The following KCNQ3 variants were observed in gnomAD, a reference collection of about 807,000 sequenced individuals.
KCNQ3 encodes potassium voltage-gated channel subfamily Q member 3, also known as potassium voltage-gated channel subfamily KQT member 3.
A neutral mutation model predicts 92.5 loss-of-function variants in KCNQ3; 30 were observed. That is an observed-to-expected ratio of 0.32 (90% CI 0.24 to 0.44). KCNQ3 has a LOEUF of 0.44. Among genes scored for constraint, KCNQ3 ranks in the 20% least tolerant of loss-of-function variants. KCNQ3 has a pLI of 1.00. For synonymous variants in KCNQ3, 450 were observed against 468.8 expected, an observed-to-expected ratio of 0.96 and a Z score of 0.52; for missense variants, 913 against 1,140.3, an observed-to-expected ratio of 0.80 and a Z score of 2.87.
chr8:132,171,209 T>C (rs1826335402), intron 7 of KCNQ3, among the ~76,000 whole-genome samples: 1 of 151,928 alleles, frequency 6.6e-6, no homozygotes, highest in South Asian at 2.1e-4. Flanking sequence ...GATTCTCTGA[T>C]GGTTTGGGGT....
chr8:132,340,600 AG>A, intron 1 of KCNQ3, among the ~76,000 whole-genome samples: 1 of 151,960 alleles, frequency 6.6e-6, no homozygotes, highest in East Asian at 1.9e-4. Flanking sequence ...ATCACACACC[AG>A]GGCCTATTGG....
At chr8:132,412,679 T>C (rs967499098) in intron 1 of KCNQ3, among the ~76,000 whole-genome samples, 2 of 152,088 alleles carry the variant, frequency 1.3e-5, no homozygotes, top group African/African-American at 2.4e-5. Flanking sequence ...AGAGGCATGA[T>C]GATGGCCCTG....
chr8:132,333,659 G>A (rs1586934892), intron 1 of KCNQ3, among the ~76,000 whole-genome samples: 1 of 152,082 alleles, frequency 6.6e-6, no homozygotes, highest in South Asian at 2.1e-4. Context: ...TCTCTTGTGT[G>A]CCTGGATTTT....
intron 1 of KCNQ3, among the ~76,000 whole-genome samples, chr8:132,395,493 C>G (rs1429297005): frequency 6.6e-6 from 1 of 152,196 alleles, no homozygotes; most frequent in Non-Finnish European, 1.5e-5. Flanking sequence ...GGTACCCTAC[C>G]TGACTTAATA....
rs2130910609 is a variant in KCNQ3, at chr8:132,121,243, A to C, written c.*8019T>G. 1 of 152,334 alleles carries C rather than the reference A, an allele frequency of 6.6e-6. No homozygotes were observed. Among genetic ancestry groups the C allele is most frequent in the South Asian group, 2.1e-4 (1 of 4,822 alleles). 9.4% of individuals were successfully genotyped at this position (152,334 alleles called of 1,614,324 possible). ...GGGAACCTCCATTTGTTCTTCAAAG[A>C]CTGGTGTTTTCCATCACTGCTACAT... On this transcript the variant is annotated 3_prime_UTR_variant, in exon 15 of 15. Coordinates refer to ENST00000388996, the MANE Select transcript of KCNQ3 (RefSeq NM_004519.4).
chr8:132,410,935 C>T (rs753387595), intron 1 of KCNQ3, among the ~76,000 whole-genome samples: 7 of 152,218 alleles, frequency 4.6e-5, no homozygotes, highest in African/African-American at 1.7e-4. Flanking sequence ...CCTCACCGTA[C>T]ACACAAAGCA....
chr8:132,219,873 A>G (rs1030042297), intron 1 of KCNQ3, among the ~76,000 whole-genome samples: 1 of 152,194 alleles, frequency 6.6e-6, no homozygotes, highest in Non-Finnish European at 1.5e-5. Context: ...AATCCATCTG[A>G]TCAATATACT....
intron 1 of KCNQ3, among the ~76,000 whole-genome samples, chr8:132,379,051 C>T (rs73345971): frequency 0.073 from 11,153 of 152,254 alleles, 468 homozygotes; most frequent in South Asian, 0.16. Flanking sequence ...GGATGATAAA[C>T]ACCCCTCATA....
At position 132,292,862 on chromosome 8, in the gene KCNQ3, G is replaced by A. The variant is rs905636426; in HGVS notation, c.387-106681C>T. On this transcript the variant is annotated intron_variant, in intron 1 of 14. Transcript: ENST00000388996. ...TTGTGGATCAGAAGACCCTAATCCA[G>A]AGAGATTCCTGCCCCATACCTAGAG... Among the ~76,000 whole-genome samples, 13 of 152,180 alleles carry A rather than the reference G, an allele frequency of 8.5e-5. 1 individual carries two copies. The highest frequency in any genetic ancestry group is 6.5e-4 in the Admixed American group (10 of 15,276).
chr8:132,445,776 C>T (rs899439221), intron 1 of KCNQ3, among the ~76,000 whole-genome samples: 8 of 151,134 alleles, frequency 5.3e-5, no homozygotes, highest in East Asian at 2.0e-4. Context: ...CTCACAACTA[C>T]CCCATTTCAC....
chr8:132,149,024 T>G (rs1164411611), intron 9 of KCNQ3, among the ~76,000 whole-genome samples: 3 of 152,262 alleles, frequency 2.0e-5, no homozygotes, highest in Non-Finnish European at 4.4e-5. Context: ...GACCATACAC[T>G]TTATTTCTCT....
intron 1 of KCNQ3, among the ~76,000 whole-genome samples, chr8:132,473,023 A>T (rs933492759): frequency 3.9e-5 from 6 of 152,236 alleles, no homozygotes; most frequent in Non-Finnish European, 8.8e-5. Flanking sequence ...GAAACAGCAG[A>T]GTTAAATGCA....
chr8:132,272,713 G>A (rs1030628186), intron 1 of KCNQ3, among the ~76,000 whole-genome samples: 10 of 152,106 alleles, frequency 6.6e-5, no homozygotes, highest in Non-Finnish European at 2.9e-5. Flanking sequence ...CAAGGGAACA[G>A]CACAAAAACA....
At chr8:132,310,947 C>G (rs79830223) in intron 1 of KCNQ3, among the ~76,000 whole-genome samples, 17 of 140,660 alleles carry the variant, frequency 1.2e-4, no homozygotes, top group African/African-American at 4.2e-4. Context: ...TTTTTTTTTT[C>G]TTTTTTTTTT....
chr8:132,229,515 C>T (rs1043905036), intron 1 of KCNQ3, among the ~76,000 whole-genome samples: 8 of 151,840 alleles, frequency 5.3e-5, no homozygotes, highest in East Asian at 1.9e-4. Context: ...TGAGCAGGTT[C>T]GGAAGAAAGT....
chr8:132,167,346 A>T (rs554251880), intron 8 of KCNQ3, among the ~76,000 whole-genome samples: 8 of 152,328 alleles, frequency 5.3e-5, no homozygotes, highest in African/African-American at 1.7e-4. Flanking sequence ...CTAGAATTAG[A>T]TAGTGGTGAT....
Position 132,122,859 on chromosome 8 carries a change from T to A in KCNQ3, c.*6403A>T, listed in dbSNP as rs191503917. ...ATGTTCATTTGAGCCAACAGAGGCC[T>A]GTTTACTTCCTAAAATAATCTCTTA... On this transcript the variant is annotated 3_prime_UTR_variant, in exon 15 of 15. Coordinates refer to ENST00000388996, the MANE Select transcript of KCNQ3 (RefSeq NM_004519.4). 1 of 152,372 alleles carries A rather than the reference T, an allele frequency of 6.6e-6. No homozygotes were observed. Among genetic ancestry groups the A allele is most frequent in the African/African-American group, 2.4e-5 (1 of 41,600 alleles). The allele number at this position is 152,372 out of a possible 1,614,324, so 9.4% of individuals were successfully genotyped here.
In KCNQ3 at chr8:132,129,344, G is replaced by A. The variant is rs765623435; in HGVS notation, c.2537C>T (p.Thr846Met). Residue 846 changes from threonine (T) to methionine (M), a missense_variant, in exon 15 of 15, where the codon ACG becomes ATG. Thr to Met is a moderately conservative substitution (Grantham distance 81, BLOSUM62 -1). Transcript: ENST00000388996. This position sits in a 1 kb window ranked among gnomAD's most constrained non-coding sequence, Gnocchi z 5.9. ...GETDTDTDPF[T>M]PSGSMPLSST... The stretch of plus-strand genomic sequence containing the variant: ...CGACAGAGGCATGGAGCCGCTGGGC[G>A]TGAAGGGGTCCGTGTCTGTGTCCGT... The A allele has an allele frequency of 6.2e-6, 10 of 1,614,206 alleles. No individual in the cohort carries two copies. Among genetic ancestry groups the A allele is most frequent in the Admixed American group, 3.3e-5 (2 of 60,030 alleles).
chr8:132,341,642 CA>C (rs1313450403), intron 1 of KCNQ3, among the ~76,000 whole-genome samples: 1 of 152,176 alleles, frequency 6.6e-6, no homozygotes, highest in African/African-American at 2.4e-5. Context: ...CTGTCCATTC[CA>C]CTGTGGGCTT....
Sources: allele counts gnomAD v4.1 joint callset (sites outside exome capture counted in the v4.1 genomes callset), GRCh38; gene constraint gnomAD v4.1.1; non-coding constraint Gnocchi (gnomAD v3.1); transcripts MANE v1.5; gene names NCBI Gene and HGNC (gene_info 2026-07-23, HGNC 2026-07-21).